Variants in IGDCC4 observed in about 807,000 individuals in gnomAD.
IGDCC4 encodes immunoglobulin superfamily DCC subclass member 4.
In IGDCC4, 72 loss-of-function variants were observed where a neutral mutation model predicts 116.6. That is an observed-to-expected ratio of 0.62 (90% CI 0.51 to 0.75). IGDCC4 has a LOEUF of 0.75. Among genes scored for constraint, IGDCC4 ranks in the 30% least tolerant of loss-of-function variants. IGDCC4 has a pLI of 0.00. For missense variants in IGDCC4, 1,501 were observed against 1,662.4 expected, an observed-to-expected ratio of 0.90 and a Z score of 1.69; for synonymous variants, 709 against 719.9, an observed-to-expected ratio of 0.98 and a Z score of 0.24.
chr15:65,409,758 G>C (rs1029562884), intron 3 of IGDCC4, among the ~76,000 whole-genome samples: 8 of 152,246 alleles, frequency 5.3e-5, no homozygotes, highest in Admixed American at 5.2e-4. Flanking sequence ...TGCATCTAGA[G>C]TGGAAACTCC....
Position 65,393,559 on chromosome 15 carries a change from G to A in IGDCC4, c.1715-28C>T, listed in dbSNP as rs201469711. 1 of 1,567,890 alleles carries A rather than the reference G, an allele frequency of 6.4e-7. No individual in the cohort carries two copies. Among genetic ancestry groups the A allele is most frequent in the Non-Finnish European group, 8.7e-7 (1 of 1,151,590 alleles). On this transcript the variant is annotated intron_variant, in intron 9 of 19. Transcript: ENST00000352385. The surrounding 1 kb of genome is among the most constrained non-coding windows in gnomAD (Gnocchi z 4.6). Reference sequence around the variant, plus strand: ...GCAGGGACAGAAAAGGTGGGCTGCTGGGTAGCCACCTGAGGAACAGGATCC... The same window carrying A: ...GCAGGGACAGAAAAGGTGGGCTGCTAGGTAGCCACCTGAGGAACAGGATCC...
intron 1 of IGDCC4, among the ~76,000 whole-genome samples, chr15:65,420,943 C>G (rs1567097045): frequency 6.6e-6 from 1 of 152,172 alleles, no homozygotes; most frequent in Non-Finnish European, 1.5e-5. Flanking sequence ...AGGTCTGCCT[C>G]CTTATTTACT....
chr15:65,384,549 T>C lies in IGDCC4; in HGVS notation c.3343-130A>G, dbSNP rs1001018295. On this transcript the variant is annotated intron_variant, in intron 19 of 19. Transcript: ENST00000352385. This position sits in a 1 kb window ranked among gnomAD's most constrained non-coding sequence, Gnocchi z 4.9. ...GTATCACATGGGAGTCGGTGAAGGA[T>C]ACACAGGAACTGTTCGAACCTATAC... is the stretch of plus-strand genomic sequence containing the variant. The C allele has an allele frequency of 1.6e-5, 15 of 922,250 alleles. No homozygotes were observed. In the East Asian group the frequency reaches 1.8e-4, roughly 11 times the overall value. The allele number at this position is 922,250 out of a possible 1,614,324, so 57.1% of individuals were successfully genotyped here.
At chr15:65,394,276 G>C in intron 9 of IGDCC4, 135 bp downstream of exon 9, 1 of 1,401,532 alleles carries the variant, frequency 7.1e-7, no homozygotes, top group Non-Finnish European at 9.7e-7. Context: ...CTGTTTTTCA[G>C]GTTCACCCTT....
In IGDCC4 at chr15:65,385,094, C is replaced by G; in HGVS notation, c.3202G>C (p.Gly1068Arg). The change falls in exon 19 of 20, where the codon GGG becomes CGG. Residue 1068 changes from glycine (G) to arginine (R), a missense_variant. Physicochemically the swap from Gly to Arg is moderately radical, Grantham distance 125 (BLOSUM62 -2). Around this residue, in one of 3 missense-constraint regions of IGDCC4, gnomAD observed 368 missense variants for 355.6 expected, o/e 1.03. Coordinates refer to ENST00000352385, the MANE Select transcript of IGDCC4 (RefSeq NM_020962.3). ...GCCCAGGAACCAGCCCAGCTCAGCC[C>G]GCTTGGTTGAGCCCAGGAGATCTGC... ...KRKISWAQPSGLSWAGSWAGC... is the reference protein window; with the variant it reads ...KRKISWAQPSRLSWAGSWAGC... The G allele has an allele frequency of 1.3e-6, 2 of 1,597,610 alleles. No homozygotes were observed. The highest frequency in any genetic ancestry group is 1.7e-6 in the Non-Finnish European group (2 of 1,176,168).
intron 1 of IGDCC4, among the ~76,000 whole-genome samples, chr15:65,415,272 G>A (rs1219372260): frequency 6.6e-6 from 1 of 152,216 alleles, no homozygotes; most frequent in Non-Finnish European, 1.5e-5. Flanking sequence ...TCCCAGGCTT[G>A]GAAAATCCCC....
chr15:65,412,539 G>T (rs1432178375), intron 1 of IGDCC4, among the ~76,000 whole-genome samples: 3 of 49,028 alleles, frequency 6.1e-5, no homozygotes, highest in Admixed American at 5.7e-4. Flanking sequence ...AAAAAAAAAA[G>T]CACAGTGCCT....
At chr15:65,396,518 C>T (rs1269630207) in intron 6 of IGDCC4, 1 of 564,938 alleles carries the variant, frequency 1.8e-6, no homozygotes, top group South Asian at 2.0e-5. Context: ...TCTACCCTGC[C>T]CCCCAGTTTT....
chr15:65,391,398 C>T (rs1459079908), intron 12 of IGDCC4, among the ~76,000 whole-genome samples: 1 of 152,168 alleles, frequency 6.6e-6, no homozygotes, highest in Admixed American at 6.5e-5. Context: ...TGCCTGGAAA[C>T]CAGGAGTCCC....
intron 3 of IGDCC4, 95 bp from the exon 4 acceptor site, chr15:65,402,582 T>C (rs1269346503): frequency 2.3e-5 from 34 of 1,457,708 alleles, no homozygotes; most frequent in Middle Eastern, 1.9e-4. Context: ...AACTCTAAGA[T>C]ACCAGGCTGG....
At chr15:65,395,343 T>C (rs2062913166) in intron 7 of IGDCC4, 85 bp from the exon 8 acceptor site, 2 of 1,336,230 alleles carry the variant, frequency 1.5e-6, no homozygotes, top group African/African-American at 2.9e-5. Context: ...TCCTTCATAT[T>C]GTCCTGGTGT....
chr15:65,389,451 C>T (rs1229029372), intron 13 of IGDCC4, 40 bp from the exon 14 acceptor site: 1 of 1,613,994 alleles, frequency 6.2e-7, no homozygotes, highest in South Asian at 1.1e-5. Flanking sequence ...CTCAGGCACA[C>T]TCTCCCAGCA....
chr15:65,410,467 CACA>C, intron 2 of IGDCC4, 148 bp from the exon 3 acceptor site: 5 of 900,278 alleles, frequency 5.6e-6, no homozygotes, highest in Non-Finnish European at 8.4e-6. Context: ...CCGAGGGAGA[CACA>C]ACAAGAAGTG....
At position 65,411,029 on chromosome 15, in the gene IGDCC4, T is replaced by C. The variant is rs74510856; in HGVS notation, c.412A>G (p.Lys138Glu). The C allele has an allele frequency of 6.2e-7, 1 of 1,606,940 alleles. No individual in the cohort carries two copies. Among genetic ancestry groups the C allele is most frequent in the East Asian group, 2.2e-5 (1 of 44,676 alleles). The stretch of plus-strand genomic sequence containing the variant: ...CGATGCAAGCACTTACTGGCAAGCT[T>C]GACGACAGCAGTCTGGCTGGCCAGC... The part of the protein sequence containing the change: ...GVLASQTAVV[K>E]LATLADFSLH... The change falls in exon 2 of 20, where the codon AAG (lysine) becomes GAG (glutamate). Residue 138 changes from lysine to glutamate, a missense_variant. By Grantham distance (56) the Lys-to-Glu change is moderately conservative. Around this residue, in one of 3 missense-constraint regions of IGDCC4, gnomAD observed 898 missense variants for 978.9 expected, o/e 0.92. Transcript: ENST00000352385.
At chr15:65,422,519 AACACACACAC>A (rs140587709) in intron 1 of IGDCC4, among the ~76,000 whole-genome samples, 32 of 131,320 alleles carry the variant, frequency 2.4e-4, no homozygotes, top group South Asian at 5.4e-4. Flanking sequence ...GAGCACTCCC[AACACACACAC>A]ACACACACAC....
chr15:65,388,992 G>A lies in IGDCC4; in HGVS notation c.2537-14C>T. 1 of 1,550,730 alleles carries A rather than the reference G, an allele frequency of 6.4e-7. No homozygotes were observed. Among genetic ancestry groups the A allele is most frequent in the Non-Finnish European group, 8.7e-7 (1 of 1,145,768 alleles). ...GTGTGGAGGGCCCTGGGGTGCGGGAGAGGAGATGGGGAGAGATGTCAGAGC... is the reference window on the plus strand; with the variant it reads ...GTGTGGAGGGCCCTGGGGTGCGGGAAAGGAGATGGGGAGAGATGTCAGAGC... On this transcript the variant is annotated splice_polypyrimidine_tract_variant and intron_variant, in intron 14 of 19. Coordinates refer to ENST00000352385, the MANE Select transcript of IGDCC4 (RefSeq NM_020962.3).
Position 65,383,926 on chromosome 15 carries a change from C to G in IGDCC4, c.*83G>C. ...GGGCTTGATGATGTATCTACAGGCACACATGTGGACATACACGGCCACAGG... is the reference window on the plus strand; with the variant it reads ...GGGCTTGATGATGTATCTACAGGCAGACATGTGGACATACACGGCCACAGG... On this transcript the variant is annotated 3_prime_UTR_variant, in exon 20 of 20. Coordinates refer to ENST00000352385, the MANE Select transcript of IGDCC4 (RefSeq NM_020962.3). 1 of 1,302,648 alleles carries G rather than the reference C, an allele frequency of 7.7e-7. No individual in the cohort carries two copies. The highest frequency in any genetic ancestry group is 1.0e-6 in the Non-Finnish European group (1 of 965,162). 80.7% of individuals were successfully genotyped at this position (1,302,648 alleles called of 1,614,324 possible). A position where few individuals can be genotyped will look rare whatever the true frequency, so the allele number is the denominator to read the frequency against.
intron 3 of IGDCC4, among the ~76,000 whole-genome samples, chr15:65,407,333 T>C (rs1451454970): frequency 2.6e-5 from 4 of 151,914 alleles, no homozygotes; most frequent in Non-Finnish European, 5.9e-5. Flanking sequence ...GTATGTACAA[T>C]ATAATTTATT....
intron 8 of IGDCC4, 21 bp downstream of exon 8, chr15:65,395,073 C>T: frequency 6.3e-7 from 1 of 1,588,036 alleles, no homozygotes; most frequent in Non-Finnish European, 8.6e-7. Context: ...AAGCTGCCCA[C>T]TGCGAGTTCA....
Sources: gnomAD v4.1 joint callset for allele counts (sites outside exome capture counted in the v4.1 genomes callset) on GRCh38, gnomAD v4.1.1 for gene constraint, gnomAD v4.1.1 regional missense constraint, Gnocchi (gnomAD v3.1) non-coding constraint, MANE v1.5 for transcripts, NCBI Gene and HGNC (gene_info 2026-07-23, HGNC 2026-07-21) for gene names.